RSU1: variants seen among roughly 807,000 people sequenced by gnomAD.
RSU1 encodes the protein rsu-1.
A neutral mutation model predicts 31.1 loss-of-function variants in RSU1; 26 were observed. The ratio of observed to expected loss-of-function variants is 0.84; its 90% CI spans 0.61 to 1.16. RSU1 has a LOEUF of 1.16. Ranked by LOEUF, RSU1 falls within the 50% of genes most tolerant of loss-of-function variation. The pLI, the probability that RSU1 is intolerant of heterozygous loss-of-function variation, is 0.00. For synonymous variants in RSU1, 164 were observed against 136.3 expected, an observed-to-expected ratio of 1.20 and a Z score of -1.41; for missense variants, 320 against 339.1, an observed-to-expected ratio of 0.94 and a Z score of 0.44.
At chr10:16,690,563 C>T (rs1280185548) in intron 8 of RSU1, among the ~76,000 whole-genome samples, 7 of 152,034 alleles carry the variant, frequency 4.6e-5, no homozygotes, top group Non-Finnish European at 1.0e-4. Flanking sequence ...GAAGCTAAGT[C>T]ATCTCCAAGT....
intron 4 of RSU1, 99 bp from the exon 5 acceptor site, chr10:16,755,088 G>A (rs1337051589): frequency 2.2e-5 from 15 of 671,582 alleles, no homozygotes; most frequent in East Asian, 1.9e-4. Context: ...GTGTAAGACA[G>A]TGCCATGATC....
At chr10:16,699,103 T>C (rs1835736559) in intron 7 of RSU1, among the ~76,000 whole-genome samples, 1 of 152,228 alleles carries the variant, frequency 6.6e-6, no homozygotes, top group African/African-American at 2.4e-5. Flanking sequence ...AGGTATAATG[T>C]CCGTGGCAAA....
At chr10:16,687,590 C>T (rs1336965460) in intron 8 of RSU1, among the ~76,000 whole-genome samples, 3 of 152,100 alleles carry the variant, frequency 2.0e-5, no homozygotes, top group Non-Finnish European at 2.9e-5. Context: ...TAAGAACTTA[C>T]GTATTCTTCC....
At chr10:16,721,286 T>G (rs1404253238) in intron 7 of RSU1, 1 of 152,266 alleles carries the variant, frequency 6.6e-6, no homozygotes, top group Non-Finnish European at 1.5e-5. Context: ...CCAATATCTC[T>G]GGAGGCGGAA....
intron 3 of RSU1, among the ~76,000 whole-genome samples, chr10:16,768,315 T>A (rs1202735051): frequency 1.3e-5 from 2 of 152,242 alleles, no homozygotes; most frequent in Non-Finnish European, 2.9e-5. Context: ...TAAAAGGAGA[T>A]GGATTATGAA....
intron 8 of RSU1, among the ~76,000 whole-genome samples, chr10:16,657,045 C>A (rs1032510161): frequency 1.3e-5 from 2 of 152,068 alleles, no homozygotes; most frequent in African/African-American, 4.8e-5. Flanking sequence ...TTCTTTATTC[C>A]GCAGAGATTT....
At chr10:16,708,340 A>G (rs1835946589) in intron 7 of RSU1, among the ~76,000 whole-genome samples, 1 of 152,176 alleles carries the variant, frequency 6.6e-6, no homozygotes, top group African/African-American at 2.4e-5. Flanking sequence ...GATGTGGAGT[A>G]TTATAAAGGT....
chr10:16,766,075 T>G (rs1363417772), intron 3 of RSU1, among the ~76,000 whole-genome samples: 2 of 152,228 alleles, frequency 1.3e-5, no homozygotes, highest in Non-Finnish European at 2.9e-5. Context: ...CACTGGCCTT[T>G]TAGAGGTAAG....
At chr10:16,792,239 C>CT (rs1186219980) in intron 2 of RSU1, among the ~76,000 whole-genome samples, 1 of 152,106 alleles carries the variant, frequency 6.6e-6, no homozygotes, top group Admixed American at 6.5e-5. Flanking sequence ...GGATTCATCA[C>CT]TTTTTTGTTT....
chr10:16,628,153 A>G (rs562438573), intron 8 of RSU1, among the ~76,000 whole-genome samples: 12 of 152,380 alleles, frequency 7.9e-5, no homozygotes, highest in Middle Eastern at 3.4e-3. Flanking sequence ...CAATCTGCCA[A>G]TTGATTAAAC....
intron 4 of RSU1, among the ~76,000 whole-genome samples, chr10:16,762,863 A>G (rs539929903): frequency 6.6e-6 from 1 of 152,196 alleles, no homozygotes; most frequent in African/African-American, 2.4e-5. Context: ...AAATACAAAT[A>G]TTAGCTGGGC....
At chr10:16,756,306 A>T (rs1444329863) in intron 4 of RSU1, among the ~76,000 whole-genome samples, 1 of 152,186 alleles carries the variant, frequency 6.6e-6, no homozygotes, top group Non-Finnish European at 1.5e-5. Flanking sequence ...TGTCTACTAC[A>T]AAGACGGTAC....
At position 16,613,813 on chromosome 10, in the gene RSU1, C is replaced by CA. The variant is rs549546726; in HGVS notation, c.732-20318dup. 5.6e-3 allele frequency among the ~76,000 whole-genome samples: 785 copies of CA among 140,440 alleles called. 7 individuals carry two copies. Among genetic ancestry groups the CA allele is most frequent in the South Asian group, 0.034 (149 of 4,438 alleles). The allele number at this position is 140,440 out of a possible 152,430, so 92.1% of individuals were successfully genotyped here. On this transcript the variant is annotated intron_variant, in intron 8 of 8. Transcript: ENST00000345264. ...TACAGCTCTTTAAAAAAAAAAAAAA[C>CA]AAAAAAAACAAACCTTTCCCCAGAC...
In RSU1 at chr10:16,808,066, G is replaced by A. The variant is rs1448338646; in HGVS notation, c.109+8907C>T. ...GAATTCTGAAAATGAATGCCTTACGGTAAGGCAGGCCCTAGGAGTCACCTC... is the reference window on the plus strand; with the variant it reads ...GAATTCTGAAAATGAATGCCTTACGATAAGGCAGGCCCTAGGAGTCACCTC... On this transcript the variant is annotated intron_variant, in intron 2 of 8. Transcript: ENST00000345264. 2.6e-5 allele frequency among the ~76,000 whole-genome samples: 4 copies of A among 151,422 alleles called. No homozygotes were observed. The South Asian group carries it at 8.3e-4, about 32-fold the overall frequency.
intron 7 of RSU1, among the ~76,000 whole-genome samples, chr10:16,743,497 T>C (rs1341962513): frequency 6.6e-6 from 1 of 152,226 alleles, no homozygotes; most frequent in Non-Finnish European, 1.5e-5. Context: ...AACTAAGATA[T>C]GTCTGTAATT....
At chr10:16,813,455 G>T (rs1242105415) in intron 2 of RSU1, among the ~76,000 whole-genome samples, 1 of 152,156 alleles carries the variant, frequency 6.6e-6, no homozygotes, top group Non-Finnish European at 1.5e-5. Context: ...AGACATATGG[G>T]TCTATAGCTG....
chr10:16,740,326 A>C (rs1209497939), intron 7 of RSU1, among the ~76,000 whole-genome samples: 2 of 152,218 alleles, frequency 1.3e-5, no homozygotes, highest in Non-Finnish European at 2.9e-5. Context: ...TCATTCTGCA[A>C]ACAAAAAATA....
At chr10:16,795,456 A>C (rs755371464) in intron 2 of RSU1, among the ~76,000 whole-genome samples, 1 of 152,180 alleles carries the variant, frequency 6.6e-6, no homozygotes, top group Non-Finnish European at 1.5e-5. Context: ...AGTTCTAAGA[A>C]CTTTATCAAT....
intron 7 of RSU1, among the ~76,000 whole-genome samples, chr10:16,740,119 T>A (rs559395719): frequency 1.6e-4 from 24 of 152,112 alleles, no homozygotes; most frequent in Middle Eastern, 6.8e-3. Context: ...GACTCGATAG[T>A]CCTGAAACAA....
Sources: allele counts gnomAD v4.1 joint callset (sites outside exome capture counted in the v4.1 genomes callset), GRCh38; gene constraint gnomAD v4.1.1; transcripts MANE v1.5; gene names NCBI Gene and HGNC (gene_info 2026-07-23, HGNC 2026-07-21).